IFT74: variants seen among roughly 807,000 people sequenced by gnomAD.
IFT74 encodes the protein intraflagellar transport protein 74 homolog.
A neutral mutation model predicts 96.7 loss-of-function variants in IFT74; 92 were observed. The ratio of observed to expected loss-of-function variants is 0.95; its 90% CI spans 0.80 to 1.13. The LOEUF (loss-of-function observed/expected upper bound fraction) is 1.13, where lower values mean the gene tolerates loss of function less well. Ranked by LOEUF, IFT74 falls within the 50% of genes most tolerant of loss-of-function variation. The pLI, the probability that IFT74 is intolerant of heterozygous loss-of-function variation, is 0.00. For synonymous variants in IFT74, 223 were observed against 213.2 expected (o/e 1.05, Z -0.40); for missense variants, 811 against 698.2 (o/e 1.16, Z -1.82).
intron 10 of IFT74, among the ~76,000 whole-genome samples, chr9:27,012,958 C>A (rs550579317): frequency 2.0e-5 from 3 of 151,930 alleles, no homozygotes; most frequent in Admixed American, 2.0e-4. Context: ...ACCTTGTGAT[C>A]CGCCCACCTC....
intron 19 of IFT74, among the ~76,000 whole-genome samples, chr9:27,062,098 AC>A (rs556473121): frequency 1.7e-4 from 26 of 152,128 alleles, no homozygotes; most frequent in South Asian, 2.1e-4. Flanking sequence ...ACCCCATCTT[AC>A]CTCCAGATAA....
At chr9:26,966,580 C>A (rs1015496558) in intron 2 of IFT74, among the ~76,000 whole-genome samples, 1 of 151,902 alleles carries the variant, frequency 6.6e-6, no homozygotes, top group Non-Finnish European at 1.5e-5. Flanking sequence ...TTATTAATTT[C>A]TTGTCAGATG....
At chr9:26,956,770 G>A (rs1541144) in intron 1 of IFT74, among the ~76,000 whole-genome samples, 48,409 of 152,084 alleles carry the variant, frequency 0.32, 9,118 homozygotes, top group East Asian at 0.69. Flanking sequence ...GGGAAGGACC[G>A]CGATGGGCTG....
At chr9:27,000,833 A>G (rs977553437) in intron 8 of IFT74, among the ~76,000 whole-genome samples, 2 of 152,156 alleles carry the variant, frequency 1.3e-5, no homozygotes, top group African/African-American at 4.8e-5. Flanking sequence ...GGAACTTAAA[A>G]ATAAAAGTTG....
At chr9:27,018,829 G>A in intron 12 of IFT74, 142 bp downstream of exon 12, 3 of 427,822 alleles carry the variant, frequency 7.0e-6, no homozygotes, top group Non-Finnish European at 1.3e-5. Flanking sequence ...CCATTGCATA[G>A]TATAATTTTT....
At position 26,984,496 on chromosome 9, in the gene IFT74, C is replaced by T. The variant is rs75391688; in HGVS notation, c.405-3C>T. The T allele has an allele frequency of 1.2e-3, 1,928 of 1,610,348 alleles. 44 individuals are homozygous for T. The East Asian group carries it at 0.038, about 31-fold the overall frequency. On this transcript the variant is annotated splice_polypyrimidine_tract_variant and splice_region_variant and intron_variant, in intron 5 of 19. Coordinates refer to ENST00000380062, the MANE Select transcript of IFT74 (RefSeq NM_025103.4). ...TATGAATGTATTTATTTTATGCTTTCAGGGCTGAGACTTTAGCTGTTGAGA... is the reference window on the plus strand; with the variant it reads ...TATGAATGTATTTATTTTATGCTTTTAGGGCTGAGACTTTAGCTGTTGAGA...
rs755490882 is a variant in IFT74 at position 27,056,410 on chromosome 9, A to G, written c.1574A>G (p.Glu525Gly). The change falls in exon 18 of 20, where the codon GAG becomes GGG. Residue 525 changes from glutamate to glycine, a missense_variant. Glu to Gly is a moderately conservative substitution (Grantham distance 98). Transcript: ENST00000380062. Reference sequence around the variant, plus strand: ...AAAATAATGGAGAAGCAAAACATAGAGTATGAGGCACTAAAAACACAATTG... The same window carrying G: ...AAAATAATGGAGAAGCAAAACATAGGGTATGAGGCACTAAAAACACAATTG... Reference protein sequence around the residue: ...FKKIMEKQNIEYEALKTQLQE... With the variant: ...FKKIMEKQNIGYEALKTQLQE... 6.2e-7 allele frequency: 1 copy of G among 1,601,796 alleles called. No homozygotes were observed. The highest frequency in any genetic ancestry group is 8.5e-7 in the Non-Finnish European group (1 of 1,174,276).
chr9:26,982,508 G>A (rs1162153649), intron 4 of IFT74: 1 of 326,688 alleles, frequency 3.1e-6, no homozygotes, highest in Non-Finnish European at 6.0e-6. Flanking sequence ...CCAGGCTGGA[G>A]TGCAATGGCC....
chr9:26,963,225 T>TA lies in IFT74; in HGVS notation c.120+1138_120+1139insA, dbSNP rs1404795097. Among the ~76,000 whole-genome samples the TA allele has an allele frequency of 2.0e-4, 30 of 151,882 alleles. 1 individual carries two copies. In the East Asian group the frequency reaches 5.9e-3, roughly 30 times the overall value. ...TATGCGGTGTTTGGTTTTTTGTTCT[T>TA]GCGGTAGTTTACTGAGAATGATGAT... On this transcript the variant is annotated intron_variant, in intron 2 of 19. Coordinates refer to ENST00000380062, the MANE Select transcript of IFT74 (RefSeq NM_025103.4).
intron 8 of IFT74, chr9:26,999,609 C>CTTA (rs1828364747): frequency 6.4e-7 from 1 of 1,572,888 alleles, no homozygotes; most frequent in Non-Finnish European, 8.7e-7. Flanking sequence ...ATTGTAAAAA[C>CTTA]TTACTCTTTT....
At chr9:27,029,545 C>T (rs1007857186) in intron 13 of IFT74, among the ~76,000 whole-genome samples, 2 of 151,852 alleles carry the variant, frequency 1.3e-5, no homozygotes, top group African/African-American at 4.8e-5. Flanking sequence ...GTCGGGAGTT[C>T]GAGACCAGCC....
chr9:26,998,069 A>G lies in IFT74; in HGVS notation c.587+7874A>G, dbSNP rs780014099. 3.1e-6 allele frequency: 5 copies of G among 1,613,466 alleles called. No homozygotes were observed. The East Asian group carries it at 8.9e-5, about 29-fold the overall frequency. On this transcript the variant is annotated intron_variant, in intron 8 of 19. Transcript: ENST00000380062. ...AAAACCGTTATTATGTAAGATAGTA[A>G]CCTTGTTCTCAATCAAATAGAGCTC...
chr9:27,011,311 C>T (rs1006023790), intron 9 of IFT74, among the ~76,000 whole-genome samples: 1 of 151,908 alleles, frequency 6.6e-6, no homozygotes, highest in African/African-American at 2.4e-5. Context: ...TATAGTTAAT[C>T]TTGTATGGGA....
intron 13 of IFT74, among the ~76,000 whole-genome samples, chr9:27,041,281 C>T (rs550275447): frequency 2.6e-5 from 4 of 152,226 alleles, no homozygotes; most frequent in African/African-American, 4.8e-5. Flanking sequence ...AGTCTTTTCA[C>T]GCATCTGGTT....
chr9:27,010,528 C>T (rs1365900997), intron 9 of IFT74, among the ~76,000 whole-genome samples: 9 of 141,372 alleles, frequency 6.4e-5, no homozygotes, highest in Admixed American at 2.2e-4. Flanking sequence ...TTCGCTCTGT[C>T]GCCCGGGCTG....
chr9:27,038,297 C>T (rs547127819), intron 13 of IFT74, among the ~76,000 whole-genome samples: 1 of 152,170 alleles, frequency 6.6e-6, no homozygotes, highest in African/African-American at 2.4e-5. Flanking sequence ...GAGTCTCACT[C>T]TGTCACCCAG....
intron 6 of IFT74, among the ~76,000 whole-genome samples, chr9:26,985,777 AG>A (rs1260596299): frequency 6.6e-6 from 1 of 152,224 alleles, no homozygotes; most frequent in Non-Finnish European, 1.5e-5. Flanking sequence ...TGGTCCTATC[AG>A]TGATCATTGC....
chr9:27,007,003 A>ATT (rs1223331924), intron 8 of IFT74, among the ~76,000 whole-genome samples: 1 of 151,190 alleles, frequency 6.6e-6, no homozygotes, highest in East Asian at 1.9e-4. Flanking sequence ...CGCCCAGCTA[A>ATT]TTTTTTTGTA....
rs372620127 is a variant in IFT74 at position 27,056,359 on chromosome 9, TATC to T, written c.1525_1527del (p.Ser509del). 289 of 1,590,508 alleles carry T rather than the reference TATC, an allele frequency of 1.8e-4. 2 individuals are homozygous for T. The East Asian group carries it at 5.6e-3, about 31-fold the overall frequency. On this transcript the variant is annotated inframe_deletion, in exon 18 of 20. Transcript: ENST00000380062. ...AAATTACATCAGGAGAGAATGATAT[TATC>T]AACCCACAGAAATGCCTTTAAGAAA...
Sources: gnomAD v4.1 joint callset for allele counts (sites outside exome capture counted in the v4.1 genomes callset) on GRCh38, gnomAD v4.1.1 for gene constraint, MANE v1.5 for transcripts, NCBI Gene and HGNC (gene_info 2026-07-23, HGNC 2026-07-21) for gene names.